Variants in TENM4 observed in about 807,000 individuals in gnomAD.
TENM4 encodes teneurin transmembrane protein 4.
In TENM4, 82 loss-of-function variants were observed where a neutral mutation model predicts 243.3. The ratio of observed to expected loss-of-function variants is 0.34; its 90% CI spans 0.28 to 0.40. The LOEUF (loss-of-function observed/expected upper bound fraction) is 0.40. Ranked by LOEUF, TENM4 falls within the 10% of genes least tolerant of loss-of-function variation. The pLI, the probability that TENM4 is intolerant of heterozygous loss-of-function variation, is 1.00. For missense variants in TENM4, 3,138 were observed against 3,673.3 expected, an observed-to-expected ratio of 0.85 and a Z score of 3.77; for synonymous variants, 1,412 against 1,456.3, an observed-to-expected ratio of 0.97 and a Z score of 0.69.
At chr11:79,172,921 G>T (rs756157967) in intron 3 of TENM4, among the ~76,000 whole-genome samples, 11 of 152,074 alleles carry the variant, frequency 7.2e-5, no homozygotes, top group African/African-American at 4.8e-5. Flanking sequence ...GATTACAGGC[G>T]TGAGCCACCG....
intron 1 of TENM4, among the ~76,000 whole-genome samples, chr11:79,368,101 A>G (rs1857711280): frequency 6.6e-6 from 1 of 152,202 alleles, no homozygotes; most frequent in African/African-American, 2.4e-5. Flanking sequence ...CCAACGCCAG[A>G]GTCCCACCCC....
chr11:78,776,020 C>A (rs528199846), intron 17 of TENM4, among the ~76,000 whole-genome samples: 1 of 152,214 alleles, frequency 6.6e-6, no homozygotes, highest in South Asian at 2.1e-4. Flanking sequence ...TGGCCCATTT[C>A]TTTATGTTTC....
chr11:78,766,929 C>T (rs983724252), intron 18 of TENM4, among the ~76,000 whole-genome samples: 15 of 152,148 alleles, frequency 9.9e-5, no homozygotes, highest in Non-Finnish European at 4.4e-5. Flanking sequence ...GTCTCAAACT[C>T]CTGGCCTCAA....
At chr11:79,188,855 G>A (rs1317551713) in intron 3 of TENM4, among the ~76,000 whole-genome samples, 1 of 152,146 alleles carries the variant, frequency 6.6e-6, no homozygotes, top group African/African-American at 2.4e-5. Flanking sequence ...AGTACTGGGG[G>A]ACCAGATGTG....
chr11:79,235,174 G>A (rs924357647), intron 2 of TENM4, among the ~76,000 whole-genome samples: 3 of 152,124 alleles, frequency 2.0e-5, no homozygotes, highest in Non-Finnish European at 2.9e-5. Flanking sequence ...TTAGCCAGGC[G>A]TGGTGGTGTG....
Position 78,889,884 on chromosome 11 carries a change from T to C in TENM4, c.985A>G (p.Asn329Asp). The change falls in exon 9 of 34, where the codon AAC becomes GAC. Residue 329 changes from asparagine to aspartate, a missense_variant. By Grantham distance (23) the Asn-to-Asp change is conservative. Transcript: ENST00000278550. ...PRSTFARPAF[N>D]LKKPSKYCNW... is the part of the protein sequence containing the mutation. Reference sequence around the variant, plus strand: ...CAGTACTTGGAGGGCTTCTTGAGGTTAAAGGCCGGCCGGGCGAAGGTGCTG... The same window carrying C: ...CAGTACTTGGAGGGCTTCTTGAGGTCAAAGGCCGGCCGGGCGAAGGTGCTG... 1 of 1,551,660 alleles carries C rather than the reference T, an allele frequency of 6.4e-7. No individual in the cohort carries two copies. The highest frequency in any genetic ancestry group is 8.7e-7 in the Non-Finnish European group (1 of 1,146,984).
intron 28 of TENM4, among the ~76,000 whole-genome samples, chr11:78,694,827 CCTT>C (rs900212132): frequency 6.6e-6 from 1 of 152,168 alleles, no homozygotes; most frequent in Non-Finnish European, 1.5e-5. Context: ...ACTCCTCACT[CCTT>C]CTTTCCTCCA....
chr11:78,807,681 C>T (rs963600921), intron 14 of TENM4, among the ~76,000 whole-genome samples: 23 of 152,088 alleles, frequency 1.5e-4, no homozygotes, highest in Non-Finnish European at 2.8e-4. Context: ...ACGGTGGTAT[C>T]CTGGGGAGAA....
intron 19 of TENM4, among the ~76,000 whole-genome samples, chr11:78,743,488 T>G (rs1036685390): frequency 6.6e-6 from 1 of 152,324 alleles, no homozygotes; most frequent in Non-Finnish European, 1.5e-5. Flanking sequence ...AAAGAGCTTA[T>G]GTGCTTCTGT....
At chr11:78,861,548 G>C (rs184229940) in intron 10 of TENM4, among the ~76,000 whole-genome samples, 1 of 152,180 alleles carries the variant, frequency 6.6e-6, no homozygotes, top group Non-Finnish European at 1.5e-5. Flanking sequence ...GCAAATGAGA[G>C]GACTGGCTTT....
chr11:78,757,063 A>C, intron 18 of TENM4, 42 bp from the exon 19 acceptor site: 1 of 1,566,686 alleles, frequency 6.4e-7, no homozygotes, highest in South Asian at 1.2e-5. Context: ...TGCTATGTTC[A>C]ATCAGCCATG....
intron 3 of TENM4, among the ~76,000 whole-genome samples, chr11:79,208,361 G>A (rs1212538908): frequency 6.6e-6 from 1 of 152,214 alleles, no homozygotes. Context: ...CAATTTTGGA[G>A]AATTATTCAT....
At chr11:78,875,447 G>A (rs1036272602) in intron 9 of TENM4, among the ~76,000 whole-genome samples, 2 of 152,144 alleles carry the variant, frequency 1.3e-5, no homozygotes, top group Non-Finnish European at 2.9e-5. Flanking sequence ...TGAGTGATCT[G>A]CCCGCCTTGG....
chr11:79,124,968 T>C (rs1861842001), intron 4 of TENM4, among the ~76,000 whole-genome samples: 1 of 149,664 alleles, frequency 6.7e-6, no homozygotes, highest in Non-Finnish European at 1.5e-5. Context: ...TAGAAAACCC[T>C]AATACAGATT....
intron 6 of TENM4, among the ~76,000 whole-genome samples, chr11:78,944,263 G>T (rs1301057476): frequency 6.7e-6 from 1 of 150,274 alleles, no homozygotes; most frequent in Non-Finnish European, 1.5e-5. Context: ...CCTGACTCAG[G>T]CAGAAAAAAA....
intron 1 of TENM4, among the ~76,000 whole-genome samples, chr11:79,390,109 A>C (rs1858200928): frequency 1.3e-5 from 2 of 152,172 alleles, no homozygotes. Context: ...CCTAATACAG[A>C]GCAGTGGAAT....
chr11:79,156,707 G>A (rs952361853), intron 3 of TENM4, among the ~76,000 whole-genome samples: 8 of 152,108 alleles, frequency 5.3e-5, no homozygotes, highest in African/African-American at 1.9e-4. Context: ...TTATTTGACT[G>A]TCTCCGATAA....
chr11:79,055,747 C>T (rs1859926743), intron 6 of TENM4, among the ~76,000 whole-genome samples: 1 of 152,150 alleles, frequency 6.6e-6, no homozygotes, highest in African/African-American at 2.4e-5. Flanking sequence ...TCAGTGAGAT[C>T]TAGTAATTCG....
At chr11:79,264,849 C>T (rs1167667110) in intron 2 of TENM4, among the ~76,000 whole-genome samples, 2 of 152,186 alleles carry the variant, frequency 1.3e-5, no homozygotes, top group African/African-American at 4.8e-5. Context: ...CAAACCACGA[C>T]TTGGATGCCC....
Sources: allele counts gnomAD v4.1 joint callset (sites outside exome capture counted in the v4.1 genomes callset), GRCh38; gene constraint gnomAD v4.1.1; transcripts MANE v1.5; gene names NCBI Gene and HGNC (gene_info 2026-07-23, HGNC 2026-07-21).